Variants in TRIO observed in about 807,000 individuals in gnomAD.
TRIO encodes triple functional domain protein.
TRIO carries 58 observed loss-of-function variants against 351.9 expected under a neutral mutation model. That is an observed-to-expected ratio of 0.16 (90% CI 0.13 to 0.21). TRIO has a LOEUF of 0.21. Among genes scored for constraint, TRIO ranks in the 10% least tolerant of loss-of-function variants. The pLI, the probability that TRIO is intolerant of heterozygous loss-of-function variation, is 1.00. For missense variants in TRIO, 3,201 were observed against 4,027.8 expected (o/e 0.79, Z 5.56); for synonymous variants, 1,758 against 1,595.7 (o/e 1.10, Z -2.42).
chr5:14,455,241 G>A (rs769329342), intron 34 of TRIO, among the ~76,000 whole-genome samples: 1 of 152,184 alleles, frequency 6.6e-6, no homozygotes, highest in Non-Finnish European at 1.5e-5. Flanking sequence ...ACATCCTGCT[G>A]ATTGGTCCAT....
At chr5:14,501,263 C>G (rs75817350) in intron 53 of TRIO, among the ~76,000 whole-genome samples, 2 of 152,276 alleles carry the variant, frequency 1.3e-5, no homozygotes, top group African/African-American at 4.8e-5. Flanking sequence ...ATTAACCTTA[C>G]CATTTATAAA....
intron 46 of TRIO, among the ~76,000 whole-genome samples, chr5:14,484,377 A>G (rs1202988930): frequency 6.6e-6 from 1 of 152,218 alleles, no homozygotes; most frequent in Non-Finnish European, 1.5e-5. Context: ...GAAACAGGTA[A>G]TCCCAGACGC....
chr5:14,468,646 A>G (rs1440027253), intron 37 of TRIO, among the ~76,000 whole-genome samples: 2 of 152,252 alleles, frequency 1.3e-5, no homozygotes, highest in African/African-American at 4.8e-5. Flanking sequence ...CATCATTGTA[A>G]TATCCTAAAC....
intron 34 of TRIO, among the ~76,000 whole-genome samples, chr5:14,433,959 A>T (rs1233329815): frequency 2.0e-5 from 3 of 152,190 alleles, no homozygotes; most frequent in African/African-American, 7.2e-5. Context: ...CCTTAAGTAT[A>T]TTTCTAGTCT....
intron 8 of TRIO, among the ~76,000 whole-genome samples, chr5:14,308,673 CCATCCATCCATT>C (rs1306410310): frequency 5.2e-5 from 6 of 116,500 alleles, no homozygotes; most frequent in Non-Finnish European, 8.2e-5. Context: ...ATCCATCCAT[CCATCCATCCATT>C]CATTCTCCTA....
At chr5:14,232,891 G>A (rs1347197051) in intron 1 of TRIO, among the ~76,000 whole-genome samples, 1 of 152,212 alleles carries the variant, frequency 6.6e-6, no homozygotes, top group Non-Finnish European at 1.5e-5. Context: ...CTGGTATCCA[G>A]GACCCACTAA....
chr5:14,406,753 C>T (rs1686874643), intron 33 of TRIO, 81 bp downstream of exon 33: 1 of 1,378,488 alleles, frequency 7.3e-7, no homozygotes, highest in Non-Finnish European at 1.0e-6. Flanking sequence ...TTCTGTTACT[C>T]ACAGTTTGTC....
intron 19 of TRIO, among the ~76,000 whole-genome samples, chr5:14,376,883 A>G (rs910014733): frequency 6.6e-6 from 1 of 152,078 alleles, no homozygotes; most frequent in Non-Finnish European, 1.5e-5. Flanking sequence ...ACTCTTTCCA[A>G]CACTGGATCT....
intron 11 of TRIO, among the ~76,000 whole-genome samples, chr5:14,355,732 A>T: frequency 6.6e-6 from 1 of 152,234 alleles, no homozygotes; most frequent in Non-Finnish European, 1.5e-5. Context: ...AAAACAAAAG[A>T]ACAAGAAAGC....
intron 16 of TRIO, 69 bp from the exon 17 acceptor site, chr5:14,368,639 C>T: frequency 6.7e-7 from 1 of 1,502,266 alleles, no homozygotes; most frequent in East Asian, 2.3e-5. Flanking sequence ...TAACTGTAGC[C>T]ATCCTGGTTC....
chr5:14,216,208 A>G (rs565135746), intron 1 of TRIO, among the ~76,000 whole-genome samples: 3 of 152,304 alleles, frequency 2.0e-5, no homozygotes, highest in African/African-American at 7.2e-5. Flanking sequence ...TAAGTTCAAG[A>G]GTTCTTTGAG....
In TRIO at chr5:14,510,149, T is replaced by C. The variant is rs1200545021; in HGVS notation, c.*1727T>C. 1 of 152,282 alleles carries C rather than the reference T, an allele frequency of 6.6e-6. No homozygotes were observed. Among genetic ancestry groups the C allele is most frequent in the Non-Finnish European group, 1.5e-5 (1 of 68,050 alleles). The allele number at this position is 152,282 out of a possible 1,614,324, so 9.4% of individuals were successfully genotyped here. A position where few individuals can be genotyped will look rare whatever the true frequency, so the allele number is the denominator to read the frequency against. ...TACATGTTTACACAGTATGATGTGATGTAAATATTTTATTTTGCCATCAGT... is the reference window on the plus strand; with the variant it reads ...TACATGTTTACACAGTATGATGTGACGTAAATATTTTATTTTGCCATCAGT... On this transcript the variant is annotated 3_prime_UTR_variant, in exon 57 of 57. Transcript: ENST00000344204.
intron 34 of TRIO, among the ~76,000 whole-genome samples, chr5:14,446,925 C>G (rs1561500679): frequency 6.6e-6 from 1 of 152,128 alleles, no homozygotes; most frequent in African/African-American, 2.4e-5. Context: ...CTTTAGCTAA[C>G]CTTTGCTGTA....
intron 34 of TRIO, among the ~76,000 whole-genome samples, chr5:14,440,375 G>A (rs1411841832): frequency 1.3e-5 from 2 of 152,232 alleles, no homozygotes; most frequent in Non-Finnish European, 2.9e-5. Context: ...GAAGCTGGAA[G>A]TCAGACCCGA....
chr5:14,149,756 T>C (rs1488666743), intron 1 of TRIO, among the ~76,000 whole-genome samples: 1 of 146,432 alleles, frequency 6.8e-6, no homozygotes, highest in African/African-American at 2.4e-5. Flanking sequence ...AGTCTAGAGC[T>C]GGTGTTTTGG....
chr5:14,231,148 T>G (rs1793402746), intron 1 of TRIO, among the ~76,000 whole-genome samples: 1 of 152,224 alleles, frequency 6.6e-6, no homozygotes, highest in Non-Finnish European at 1.5e-5. Flanking sequence ...TCGATCCTCT[T>G]GTGACCCCGT....
In TRIO at chr5:14,509,795, G is replaced by C; in HGVS notation, c.*1373G>C. 5.2e-6 allele frequency: 1 copy of C among 190,888 alleles called. No individual in the cohort carries two copies. Among genetic ancestry groups the C allele is most frequent in the Non-Finnish European group, 1.1e-5 (1 of 92,464 alleles). 11.8% of individuals were successfully genotyped at this position (190,888 alleles called of 1,614,324 possible). On this transcript the variant is annotated 3_prime_UTR_variant, in exon 57 of 57. Coordinates refer to ENST00000344204, the MANE Select transcript of TRIO (RefSeq NM_007118.4). Reference sequence around the variant, plus strand: ...GGAGGCTGGGTTTCTGGGCACCCTCGAAGTTTTCTGGATGTCTTTTTATCT... The same window carrying C: ...GGAGGCTGGGTTTCTGGGCACCCTCCAAGTTTTCTGGATGTCTTTTTATCT...
intron 1 of TRIO, among the ~76,000 whole-genome samples, chr5:14,250,858 C>T (rs1358911435): frequency 6.6e-6 from 1 of 152,166 alleles, no homozygotes; most frequent in Admixed American, 6.5e-5. Context: ...AAACACTTTA[C>T]ACGCATTTTC....
chr5:14,349,420 T>C (rs1742831399), intron 11 of TRIO, among the ~76,000 whole-genome samples: 2 of 152,126 alleles, frequency 1.3e-5, no homozygotes, highest in African/African-American at 4.8e-5. Context: ...TTCCTTGCTC[T>C]TTTTTTTAAG....
Sources: gnomAD v4.1 joint callset for allele counts (sites outside exome capture counted in the v4.1 genomes callset) on GRCh38, gnomAD v4.1.1 for gene constraint, MANE v1.5 for transcripts, NCBI Gene and HGNC (gene_info 2026-07-23, HGNC 2026-07-21) for gene names.